LHFPL3: variants seen among roughly 807,000 people sequenced by gnomAD.
LHFPL3 encodes the protein LHFPL tetraspan subfamily member 3.
A neutral mutation model predicts 19.3 loss-of-function variants in LHFPL3; 5 were observed. The observed-to-expected ratio is 0.26, with a 90% confidence interval of 0.14 to 0.54. The LOEUF (loss-of-function observed/expected upper bound fraction) is 0.54. Ranked by LOEUF, LHFPL3 falls within the 20% of genes least tolerant of loss-of-function variation. The pLI, the probability that LHFPL3 is intolerant of heterozygous loss-of-function variation, is 0.94. For synonymous variants in LHFPL3, 133 were observed against 126.2 expected (o/e 1.05, Z -0.36); for missense variants, 249 against 307.4 (o/e 0.81, Z 1.42).
intron 1 of LHFPL3, among the ~76,000 whole-genome samples, chr7:104,597,242 CT>C (rs1211460234): frequency 4.6e-5 from 7 of 152,046 alleles, no homozygotes; most frequent in Non-Finnish European, 8.8e-5. Flanking sequence ...AATAAATGTT[CT>C]TTCTTTTGCA....
chr7:104,600,191 C>G (rs531431833), intron 1 of LHFPL3, among the ~76,000 whole-genome samples: 38 of 152,324 alleles, frequency 2.5e-4, no homozygotes, highest in African/African-American at 8.9e-4. Context: ...TATGTGAACT[C>G]ATAGTAGCAG....
At chr7:104,552,235 C>A (rs1444618423) in intron 1 of LHFPL3, among the ~76,000 whole-genome samples, 1 of 152,162 alleles carries the variant, frequency 6.6e-6, no homozygotes, top group Non-Finnish European at 1.5e-5. Context: ...GCCACATAAC[C>A]AAGATGTGCA....
At chr7:104,344,765 T>G (rs1439336999) in intron 1 of LHFPL3, among the ~76,000 whole-genome samples, 2 of 152,256 alleles carry the variant, frequency 1.3e-5, no homozygotes, top group Non-Finnish European at 2.9e-5. Flanking sequence ...ATGACTTATT[T>G]TCCTTTGGGT....
At position 104,377,220 on chromosome 7, in the gene LHFPL3, C is replaced by T. The variant is rs76356650; in HGVS notation, c.445+47996C>T. Among the ~76,000 whole-genome samples, 745 of 152,298 alleles carry T rather than the reference C, an allele frequency of 4.9e-3. 1 individual carries two copies. Among genetic ancestry groups the T allele is most frequent in the Non-Finnish European group, 6.3e-3 (429 of 68,036 alleles). ...AGAATTTGCTGATTCATTTGCCATC[C>T]TCACAGGTGCCTGGTTTAAACCATC... On this transcript the variant is annotated intron_variant, in intron 1 of 2. Transcript: ENST00000424859.
chr7:104,457,027 G>C lies in LHFPL3; in HGVS notation c.445+127803G>C, dbSNP rs1005668382. ...AATATGGAAACTCTGATTAAGTTAG[G>C]AGATGTTGCCAATGAGATGATAAAA... On this transcript the variant is annotated intron_variant, in intron 1 of 2. Coordinates refer to ENST00000424859, the MANE Select transcript of LHFPL3 (RefSeq NM_199000.3). Among the ~76,000 whole-genome samples, 4 of 152,274 alleles carry C rather than the reference G, an allele frequency of 2.6e-5. No homozygotes were observed. The South Asian group carries it at 6.2e-4, about 24-fold the overall frequency.
chr7:104,872,290 T>C (rs976397619), intron 2 of LHFPL3, among the ~76,000 whole-genome samples: 2 of 151,568 alleles, frequency 1.3e-5, no homozygotes, highest in Non-Finnish European at 2.9e-5. Flanking sequence ...TGAGCCGAGA[T>C]TGTGCCACTT....
intron 1 of LHFPL3, among the ~76,000 whole-genome samples, chr7:104,330,641 A>C (rs1389817442): frequency 6.6e-6 from 1 of 152,204 alleles, no homozygotes; most frequent in Non-Finnish European, 1.5e-5. Flanking sequence ...TGTGAAAAGC[A>C]AGAAATGAGC....
At position 104,407,783 on chromosome 7, in the gene LHFPL3, A is replaced by G. The variant is rs555297058; in HGVS notation, c.445+78559A>G. Among the ~76,000 whole-genome samples, 154 of 152,348 alleles carry G rather than the reference A, an allele frequency of 1.0e-3. 1 individual carries two copies. Among genetic ancestry groups the G allele is most frequent in the Non-Finnish European group, 1.6e-3 (107 of 68,032 alleles). On this transcript the variant is annotated intron_variant, in intron 1 of 2. Transcript: ENST00000424859. ...TGGGTAGAGATCAGCCAAGTCCTTC[A>G]TGCTTTGTCTCCAACTTGGAATGAA... is the stretch of plus-strand genomic sequence containing the variant.
intron 1 of LHFPL3, among the ~76,000 whole-genome samples, chr7:104,384,230 A>G (rs1790889711): frequency 6.6e-6 from 1 of 152,190 alleles, no homozygotes; most frequent in Non-Finnish European, 1.5e-5. Flanking sequence ...AAATTGAGAG[A>G]TTAAATAAAA....
intron 2 of LHFPL3, among the ~76,000 whole-genome samples, chr7:104,809,458 C>T (rs1790425286): frequency 6.6e-6 from 1 of 152,208 alleles, no homozygotes; most frequent in Non-Finnish European, 1.5e-5. Context: ...GCCTTTGAGG[C>T]ACTCAACCTG....
chr7:104,431,025 A>G (rs2116559845), intron 1 of LHFPL3, among the ~76,000 whole-genome samples: 2 of 152,358 alleles, frequency 1.3e-5, no homozygotes, highest in East Asian at 3.9e-4. Flanking sequence ...ATGATGATGA[A>G]TAAAATAAAT....
intron 2 of LHFPL3, among the ~76,000 whole-genome samples, chr7:104,841,929 T>A (rs1466405703): frequency 6.6e-6 from 1 of 151,856 alleles, no homozygotes; most frequent in Non-Finnish European, 1.5e-5. Context: ...AAAGGAGAGA[T>A]AAAAGAGGCC....
intron 1 of LHFPL3, among the ~76,000 whole-genome samples, chr7:104,386,802 CAG>C (rs1452740179): frequency 6.6e-6 from 1 of 151,834 alleles, no homozygotes; most frequent in African/African-American, 2.4e-5. Context: ...ACCTAGAATG[CAG>C]ATTATTTCAA....
At chr7:104,343,337 A>AC (rs1789994795) in intron 1 of LHFPL3, among the ~76,000 whole-genome samples, 1 of 151,422 alleles carries the variant, frequency 6.6e-6, no homozygotes, top group Admixed American at 6.6e-5. Flanking sequence ...ACAGAGTGAA[A>AC]CCCCATCTCT....
intron 2 of LHFPL3, among the ~76,000 whole-genome samples, chr7:104,783,251 C>G (rs1584531986): frequency 6.6e-6 from 1 of 152,202 alleles, no homozygotes. Context: ...AACTCTTTAC[C>G]CAACAAGGAA....
chr7:104,656,195 A>G (rs1792118004), intron 1 of LHFPL3, among the ~76,000 whole-genome samples: 1 of 152,132 alleles, frequency 6.6e-6, no homozygotes, highest in Admixed American at 6.5e-5. Context: ...GAGAAAGTAG[A>G]TGAGATGGTA....
At chr7:104,652,639 G>A (rs372276464) in intron 1 of LHFPL3, among the ~76,000 whole-genome samples, 46 of 152,046 alleles carry the variant, frequency 3.0e-4, no homozygotes, top group Non-Finnish European at 5.3e-4. Context: ...ATTTTGTAGC[G>A]ATAGCACCCT....
At chr7:104,832,020 A>G (rs1336578711) in intron 2 of LHFPL3, among the ~76,000 whole-genome samples, 2 of 152,024 alleles carry the variant, frequency 1.3e-5, no homozygotes, top group Non-Finnish European at 2.9e-5. Context: ...TGTGGGCACT[A>G]TGTAAAATTT....
At chr7:104,629,203 C>T (rs1301628533) in intron 1 of LHFPL3, among the ~76,000 whole-genome samples, 1 of 152,000 alleles carries the variant, frequency 6.6e-6, no homozygotes, top group African/African-American at 2.4e-5. Flanking sequence ...TGTATGAGAC[C>T]TCTCTCACTC....
Sources: gnomAD v4.1 joint callset for allele counts (sites outside exome capture counted in the v4.1 genomes callset) on GRCh38, gnomAD v4.1.1 for gene constraint, MANE v1.5 for transcripts, NCBI Gene and HGNC (gene_info 2026-07-23, HGNC 2026-07-21) for gene names.